Variants in ORC5 observed in about 807,000 individuals in gnomAD.
ORC5 encodes protein phosphatase 1, regulatory subunit 117.
Under a neutral mutation model 58.8 loss-of-function variants are expected in ORC5, and 39 were observed. That is an observed-to-expected ratio of 0.66 (90% confidence interval 0.51 to 0.87). ORC5 has a LOEUF of 0.87. ORC5 is among the 40% of genes least tolerant of loss of function. The probability of loss-of-function intolerance (pLI) is 0.00; values close to 1 mark genes in which losing one functional copy is unlikely to be tolerated. For missense variants in ORC5, 493 were observed against 506.3 expected (o/e 0.97, Z 0.25); for synonymous variants, 218 against 177.6 (o/e 1.23, Z -1.81).
intron 3 of ORC5, among the ~76,000 whole-genome samples, chr7:104,198,934 T>C (rs1799865376): frequency 6.6e-6 from 1 of 152,208 alleles, no homozygotes; most frequent in South Asian, 2.1e-4. Flanking sequence ...GGGGCCAGCG[T>C]ATAGCTCAGG....
intron 12 of ORC5, among the ~76,000 whole-genome samples, chr7:104,151,105 T>C (rs756957875): frequency 2.0e-5 from 3 of 152,066 alleles, no homozygotes; most frequent in Middle Eastern, 3.2e-3. Context: ...ATGGTATATA[T>C]GGTGAATGAA....
intron 2 of ORC5, among the ~76,000 whole-genome samples, chr7:104,201,707 T>G (rs904243897): frequency 6.6e-6 from 1 of 150,894 alleles, no homozygotes; most frequent in Non-Finnish European, 1.5e-5. Flanking sequence ...CTTATAACTT[T>G]AATATAATAT....
chr7:104,137,890 A>G (rs1304144306), intron 12 of ORC5, among the ~76,000 whole-genome samples: 1 of 152,210 alleles, frequency 6.6e-6, no homozygotes, highest in African/African-American at 2.4e-5. Context: ...AGAACTAAGG[A>G]TACAGAAAGC....
intron 13 of ORC5, among the ~76,000 whole-genome samples, chr7:104,134,254 C>G (rs564907644): frequency 6.6e-6 from 1 of 151,654 alleles, no homozygotes; most frequent in African/African-American, 2.4e-5. Context: ...GAAACTCTGT[C>G]TCTGCTAAAA....
intron 10 of ORC5, among the ~76,000 whole-genome samples, chr7:104,166,064 T>C (rs546074951): frequency 6.6e-6 from 1 of 151,402 alleles, no homozygotes; most frequent in African/African-American, 2.4e-5. Flanking sequence ...TCCTGAAGAG[T>C]AGCACAAGAC....
chr7:104,128,630 C>T (rs980031586), intron 13 of ORC5, among the ~76,000 whole-genome samples: 3 of 149,694 alleles, frequency 2.0e-5, no homozygotes, highest in East Asian at 2.0e-4. Context: ...CCCATTAACT[C>T]GTCATTTAGC....
chr7:104,157,539 T>C (rs1244701152), intron 12 of ORC5, among the ~76,000 whole-genome samples: 1 of 152,068 alleles, frequency 6.6e-6, no homozygotes, highest in Admixed American at 6.6e-5. Flanking sequence ...AGATACATTT[T>C]GGGCCAAGTT....
Position 104,204,178 on chromosome 7 carries a change from C to T in ORC5, c.129G>A (p.Lys43=). 1.2e-6 allele frequency: 2 copies of T among 1,600,082 alleles called. No homozygotes were observed. Among genetic ancestry groups the T allele is most frequent in the Non-Finnish European group, 1.7e-6 (2 of 1,172,742 alleles). Residue 43 remains lysine, a synonymous_variant, in exon 2 of 14, where the codon AAG becomes AAA. Transcript: ENST00000297431. ...IFIYGHTASG[K]TYVTQTLLKT... ...TCAACAACGTTTGTGTTACATAGGT[C>T]TTTCCACTAGCAGTATGTCCATAAA...
intron 1 of ORC5, among the ~76,000 whole-genome samples, chr7:104,206,372 T>A (rs925358497): frequency 6.6e-6 from 1 of 152,082 alleles, no homozygotes; most frequent in African/African-American, 2.4e-5. Flanking sequence ...TAAACATAAT[T>A]TTCATTAAAA....
chr7:104,147,470 T>G (rs1427406275), intron 12 of ORC5, among the ~76,000 whole-genome samples: 1 of 152,202 alleles, frequency 6.6e-6, no homozygotes, highest in Non-Finnish European at 1.5e-5. Flanking sequence ...GCACTTCAAA[T>G]TTATTAAAAA....
At position 104,204,060 on chromosome 7, in the gene ORC5, G is replaced by A. The variant is rs111258986; in HGVS notation, c.165+82C>T. 2.9e-3 allele frequency: 1,863 copies of A among 645,714 alleles called. 32 individuals are homozygous for A. In the African/African-American group the frequency reaches 0.031, roughly 11 times the overall value. The allele number at this position is 645,714 out of a possible 1,614,324, so 40.0% of individuals were successfully genotyped here. The stretch of plus-strand genomic sequence containing the variant: ...ATGTAAAGGTGGTATGTTCAATTTT[G>A]CATTTGTGGAGATTCACAATTATCA... On this transcript the variant is annotated intron_variant, in intron 2 of 13. Transcript: ENST00000297431.
intron 6 of ORC5, chr7:104,187,944 G>C (rs1321665663): frequency 3.0e-6 from 3 of 1,010,342 alleles, no homozygotes; most frequent in East Asian, 1.8e-4. Context: ...TCCTCATTTT[G>C]ATTTTTATGG....
intron 12 of ORC5, among the ~76,000 whole-genome samples, chr7:104,144,886 C>T (rs1286228042): frequency 6.6e-6 from 1 of 152,168 alleles, no homozygotes; most frequent in Non-Finnish European, 1.5e-5. Context: ...CTGATATGGT[C>T]AGTGTGGATC....
At chr7:104,147,707 G>A (rs1407317885) in intron 12 of ORC5, among the ~76,000 whole-genome samples, 1 of 152,088 alleles carries the variant, frequency 6.6e-6, no homozygotes, top group African/African-American at 2.4e-5. Flanking sequence ...TCGTGCTAAA[G>A]GTTTGCTAGA....
chr7:104,166,736 T>TA (rs747839282), intron 10 of ORC5, 36 bp downstream of exon 10: 6 of 1,164,804 alleles, frequency 5.2e-6, no homozygotes, highest in Admixed American at 2.0e-5. Flanking sequence ...CCTGGGATCT[T>TA]AAAAAATAAA....
chr7:104,184,476 A>G, intron 6 of ORC5: 1 of 274,508 alleles, frequency 3.6e-6, no homozygotes, highest in South Asian at 9.3e-5. Context: ...AAAAAAATGT[A>G]ATTGTAGCTT....
intron 2 of ORC5, 99 bp from the exon 3 acceptor site, chr7:104,201,057 T>A: frequency 3.9e-6 from 4 of 1,024,450 alleles, no homozygotes; most frequent in Non-Finnish European, 5.8e-6. Context: ...TAAATCTATA[T>A]CCCACCAAAC....
rs186291929 is a variant in ORC5, at chr7:104,200,730, G to C, written c.366+28C>G. 2,053 of 1,314,962 alleles carry C rather than the reference G, an allele frequency of 1.6e-3. 7 individuals carry two copies. Among genetic ancestry groups the C allele is most frequent in the Non-Finnish European group, 2.1e-3 (1,915 of 919,918 alleles). 81.5% of individuals were successfully genotyped at this position (1,314,962 alleles called of 1,614,324 possible). ...TAAATTATCAGTTTTCAAGATAAGAGATGATCTAATCAAATGAAATTACTT... is the reference window on the plus strand; with the variant it reads ...TAAATTATCAGTTTTCAAGATAAGACATGATCTAATCAAATGAAATTACTT... On this transcript the variant is annotated intron_variant, in intron 3 of 13. Coordinates refer to ENST00000297431, the MANE Select transcript of ORC5 (RefSeq NM_002553.4).
intron 12 of ORC5, among the ~76,000 whole-genome samples, chr7:104,140,604 A>G (rs1798656736): frequency 6.6e-6 from 1 of 152,144 alleles, no homozygotes; most frequent in African/African-American, 2.4e-5. Flanking sequence ...CTCTGGGAGG[A>G]AAGAAGGGTG....
Sources: gnomAD v4.1 joint callset for allele counts (sites outside exome capture counted in the v4.1 genomes callset) on GRCh38, gnomAD v4.1.1 for gene constraint, MANE v1.5 for transcripts, NCBI Gene and HGNC (gene_info 2026-07-23, HGNC 2026-07-21) for gene names.